DISP1: variants seen among roughly 807,000 people sequenced by gnomAD.
DISP1 encodes the protein dispatched RND transporter family member 1, also known as protein dispatched homolog 1.
In DISP1, 30 loss-of-function variants were observed where a neutral mutation model predicts 37.3. The ratio of observed to expected loss-of-function variants is 0.80; its 90% CI spans 0.60 to 1.09. The LOEUF is 1.09. Ranked by LOEUF, DISP1 falls within the 50% of genes least tolerant of loss-of-function variation. The pLI is 0.00. For synonymous variants in DISP1, 634 were observed against 690.2 expected, an observed-to-expected ratio of 0.92 and a Z score of 1.28; for missense variants, 1,598 against 1,879.5, an observed-to-expected ratio of 0.85 and a Z score of 2.77.
At chr1:222,879,576 A>G (rs977821273) in intron 1 of DISP1, among the ~76,000 whole-genome samples, 1 of 152,206 alleles carries the variant, frequency 6.6e-6, no homozygotes, top group Non-Finnish European at 1.5e-5. Flanking sequence ...GGTTATGAAG[A>G]ATATCTTTTA....
chr1:222,937,032 T>TTATATAATATATTATATATAATATGCAA (rs1558340763), intron 2 of DISP1, among the ~76,000 whole-genome samples: 1 of 112,842 alleles, frequency 8.9e-6, no homozygotes, highest in African/African-American at 3.4e-5. Context: ...ATATTACATA[T>TTATATAATATATTATATATAATATGCAA]TATATAATAT....
At chr1:222,841,241 A>G (rs143536956) in intron 1 of DISP1, among the ~76,000 whole-genome samples, 73 of 152,236 alleles carry the variant, frequency 4.8e-4, no homozygotes, top group African/African-American at 1.5e-3. Flanking sequence ...AGCTTATTAT[A>G]CATTATTTTA....
chr1:223,001,782 A>G (rs1454219929), intron 8 of DISP1, among the ~76,000 whole-genome samples: 1 of 152,138 alleles, frequency 6.6e-6, no homozygotes, highest in Non-Finnish European at 1.5e-5. Flanking sequence ...ACACCCCCTA[A>G]CACTAACACA....
intron 3 of DISP1, among the ~76,000 whole-genome samples, chr1:222,977,690 C>T (rs1170195029): frequency 6.6e-6 from 1 of 151,782 alleles, no homozygotes; most frequent in Non-Finnish European, 1.5e-5. Flanking sequence ...CCCCTCTCCC[C>T]CGACCCCACA....
intron 3 of DISP1, among the ~76,000 whole-genome samples, chr1:222,964,750 C>T (rs1414885815): frequency 1.3e-5 from 2 of 152,180 alleles, no homozygotes; most frequent in Non-Finnish European, 2.9e-5. Flanking sequence ...GTGCAGGATA[C>T]GCAGTGGGTT....
At chr1:222,955,866 A>G (rs1361613576) in intron 3 of DISP1, among the ~76,000 whole-genome samples, 1 of 152,214 alleles carries the variant, frequency 6.6e-6, no homozygotes, top group Admixed American at 6.5e-5. Context: ...GCAGAATACA[A>G]TGAAAGACTC....
At chr1:222,903,265 A>C (rs1303636646) in intron 1 of DISP1, among the ~76,000 whole-genome samples, 1 of 127,918 alleles carries the variant, frequency 7.8e-6, no homozygotes, top group Non-Finnish European at 1.6e-5. Context: ...ACATGGACAC[A>C]GGAAGGGGAA....
chr1:222,970,001 G>A (rs114526437), intron 3 of DISP1, among the ~76,000 whole-genome samples: 1,639 of 152,112 alleles, frequency 0.011, 28 homozygotes, highest in African/African-American at 0.037. Flanking sequence ...AAAATTTTTA[G>A]AATGAAAAAA....
At position 222,872,433 on chromosome 1, in the gene DISP1, G is replaced by A. The variant is rs1469184085; in HGVS notation, c.-158-55997G>A. ...TCTGGTCCTGGACTTTTTTTGGTTG[G>A]TAAGCTATTAATTATTGCCTCAATT... On this transcript the variant is annotated intron_variant, in intron 1 of 8. Coordinates refer to ENST00000675850, the MANE Select transcript of DISP1 (RefSeq NM_001377229.1). The A allele has an allele frequency of 3.3e-5, 5 of 152,080 alleles. No individual in the cohort carries two copies. The East Asian group carries it at 7.7e-4, about 23-fold the overall frequency. The allele number at this position is 152,080 out of a possible 1,614,324, so 9.4% of individuals were successfully genotyped here. A position where few individuals can be genotyped will look rare whatever the true frequency, so the allele number is the denominator to read the frequency against.
chr1:222,833,008 CAA>C (rs1156368852), intron 1 of DISP1, among the ~76,000 whole-genome samples: 1 of 151,926 alleles, frequency 6.6e-6, no homozygotes, highest in Non-Finnish European at 1.5e-5. Flanking sequence ...AATCACAACC[CAA>C]ATAATCTTGT....
intron 1 of DISP1, among the ~76,000 whole-genome samples, chr1:222,840,443 T>C (rs1287211519): frequency 6.6e-6 from 1 of 151,972 alleles, no homozygotes; most frequent in Non-Finnish European, 1.5e-5. Flanking sequence ...AGTTTCAGCA[T>C]GTTGGCCAGG....
chr1:222,900,774 A>T (rs1671532741), intron 1 of DISP1, among the ~76,000 whole-genome samples: 1 of 152,242 alleles, frequency 6.6e-6, no homozygotes. Flanking sequence ...TATGATCTCC[A>T]TAAAGTTAGC....
At chr1:222,903,014 C>A (rs573248555) in intron 1 of DISP1, among the ~76,000 whole-genome samples, 3 of 151,750 alleles carry the variant, frequency 2.0e-5, no homozygotes, top group Non-Finnish European at 4.4e-5. Flanking sequence ...ATGTTTGTTG[C>A]GGCACTATTC....
intron 8 of DISP1, among the ~76,000 whole-genome samples, chr1:223,000,631 C>A (rs528187333): frequency 7.2e-5 from 11 of 152,112 alleles, no homozygotes; most frequent in African/African-American, 1.9e-4. Context: ...AATGGACTGT[C>A]GAAATAGGAC....
At position 223,003,910 on chromosome 1, in the gene DISP1, C is replaced by T; in HGVS notation, c.2513C>T (p.Thr838Ile). The T allele has an allele frequency of 6.2e-7, 1 of 1,614,164 alleles. No homozygotes were observed. The highest frequency in any genetic ancestry group is 8.5e-7 in the Non-Finnish European group (1 of 1,180,036). Residue 838 changes from threonine to isoleucine, a missense_variant, in exon 9 of 9, where the codon ACA becomes ATA. Physicochemically the swap from Thr to Ile is moderately conservative, Grantham distance 89 (BLOSUM62 -1). Transcript: ENST00000675850. This position sits in a 1 kb window ranked among gnomAD's most constrained non-coding sequence, Gnocchi z 4.3. ...TTCTGTCAAAAACTGAGAAACCAAACATTCTTTTACCAGACTGATGAACAG... is the reference window on the plus strand; with the variant it reads ...TTCTGTCAAAAACTGAGAAACCAAATATTCTTTTACCAGACTGATGAACAG... ...LHFCQKLRNQTFFYQTDEQDF... is the reference protein window; with the variant it reads ...LHFCQKLRNQIFFYQTDEQDF...
intron 3 of DISP1, among the ~76,000 whole-genome samples, chr1:222,960,536 C>T (rs1423868532): frequency 6.6e-6 from 1 of 152,086 alleles, no homozygotes; most frequent in Non-Finnish European, 1.5e-5. Flanking sequence ...GTCACATTGA[C>T]ACCTTAACAT....
intron 4 of DISP1, among the ~76,000 whole-genome samples, chr1:222,984,208 C>T (rs1459682548): frequency 2.6e-5 from 4 of 151,664 alleles, no homozygotes; most frequent in African/African-American, 9.7e-5. Flanking sequence ...GAGTTTAAGA[C>T]CAGCCAAGGC....
intron 1 of DISP1, among the ~76,000 whole-genome samples, chr1:222,828,517 A>G (rs1664968910): frequency 6.6e-6 from 1 of 152,126 alleles, no homozygotes; most frequent in African/African-American, 2.4e-5. Context: ...TATGCATTTA[A>G]CCTTTTTTCC....
At chr1:222,844,035 T>G (rs574241421) in intron 1 of DISP1, among the ~76,000 whole-genome samples, 16 of 151,704 alleles carry the variant, frequency 1.1e-4, no homozygotes, top group Admixed American at 9.9e-4. Context: ...ATCTCTAGAA[T>G]GTATCCAGAG....
Sources: allele counts gnomAD v4.1 joint callset (sites outside exome capture counted in the v4.1 genomes callset), GRCh38; gene constraint gnomAD v4.1.1; non-coding constraint Gnocchi (gnomAD v3.1); transcripts MANE v1.5; gene names NCBI Gene and HGNC (gene_info 2026-07-23, HGNC 2026-07-21).